Variants in ADCY1 observed in about 807,000 individuals in gnomAD.
ADCY1 encodes adenylate cyclase type 1.
Under a neutral mutation model 105.4 loss-of-function variants are expected in ADCY1, and 28 were observed. That is an observed-to-expected ratio of 0.27 (90% CI 0.20 to 0.36). The LOEUF is 0.36. Ranked by LOEUF, ADCY1 falls within the 10% of genes least tolerant of loss-of-function variation. The pLI is 1.00. For synonymous variants in ADCY1, 655 were observed against 623.8 expected, an observed-to-expected ratio of 1.05 and a Z score of -0.75; for missense variants, 977 against 1,434.2, an observed-to-expected ratio of 0.68 and a Z score of 5.15.
At chr7:45,685,198 C>T (rs1340767106) in intron 12 of ADCY1, 130 bp downstream of exon 12, 2 of 789,180 alleles carry the variant, frequency 2.5e-6, no homozygotes, top group Non-Finnish European at 4.3e-6. Context: ...AGGCATGGGG[C>T]CCCAAGGAGC....
chr7:45,650,640 G>A (rs1248161347), intron 5 of ADCY1, among the ~76,000 whole-genome samples: 1 of 152,196 alleles, frequency 6.6e-6, no homozygotes, highest in African/African-American at 2.4e-5. Context: ...GTCCTCCTGA[G>A]AGGGGTCTGC....
In ADCY1 at chr7:45,660,706, G is replaced by T. The variant is rs192921112; in HGVS notation, c.1449+523G>T. ...ACTCAGGTGAGGGGTTCAGGCTCAAGTGAGGTGTTCAGGGGACAGGTGAGG... is the reference window on the plus strand; with the variant it reads ...ACTCAGGTGAGGGGTTCAGGCTCAATTGAGGTGTTCAGGGGACAGGTGAGG... On this transcript the variant is annotated intron_variant, in intron 7 of 19. Coordinates refer to ENST00000297323, the MANE Select transcript of ADCY1 (RefSeq NM_021116.4). Among the ~76,000 whole-genome samples the T allele has an allele frequency of 3.3e-5, 5 of 151,554 alleles. No individual in the cohort carries two copies. In the East Asian group the frequency reaches 9.8e-4, roughly 30 times the overall value.
chr7:45,688,842 AATAT>A (rs1451186250), intron 14 of ADCY1, among the ~76,000 whole-genome samples: 1 of 151,892 alleles, frequency 6.6e-6, no homozygotes, highest in Non-Finnish European at 1.5e-5. Flanking sequence ...TCAATATTAG[AATAT>A]TTTTATCTCC....
intron 4 of ADCY1, among the ~76,000 whole-genome samples, chr7:45,626,033 G>A (rs1348135694): frequency 6.6e-6 from 1 of 152,216 alleles, no homozygotes; most frequent in Non-Finnish European, 1.5e-5. Flanking sequence ...AGGCTTGGTG[G>A]CTCTGGACCT....
Position 45,720,661 on chromosome 7 carries a change from A to T in ADCY1, c.*6666A>T, listed in dbSNP as rs764053110. Reference sequence around the variant, plus strand: ...TTGTGAAATTAGTGAGTTTCCTTCTACCCGTCACCAGATTCAATATGTTCT... The same window carrying T: ...TTGTGAAATTAGTGAGTTTCCTTCTTCCCGTCACCAGATTCAATATGTTCT... On this transcript the variant is annotated 3_prime_UTR_variant, in exon 20 of 20. Transcript: ENST00000297323. 1.3e-5 allele frequency: 2 copies of T among 152,128 alleles called. No individual in the cohort carries two copies. Among genetic ancestry groups the T allele is most frequent in the Non-Finnish European group, 2.9e-5 (2 of 68,044 alleles). 9.4% of individuals were successfully genotyped at this position (152,128 alleles called of 1,614,324 possible). A position where few individuals can be genotyped will look rare whatever the true frequency, so the allele number is the denominator to read the frequency against.
intron 11 of ADCY1, chr7:45,684,710 A>G (rs1052237803): frequency 7.5e-5 from 23 of 307,822 alleles, no homozygotes; most frequent in African/African-American, 3.4e-4. Context: ...TTCAGTGCCA[A>G]TCAAAGTTAC....
At position 45,708,993 on chromosome 7, in the gene ADCY1, C is replaced by G. The variant is rs1317709664; in HGVS notation, c.2932+529C>G. Among the ~76,000 whole-genome samples the G allele has an allele frequency of 6.6e-6, 1 of 151,942 alleles. No individual in the cohort carries two copies. The highest frequency in any genetic ancestry group is 6.6e-5 in the Admixed American group (1 of 15,256). ...GTTTTTTTTTTTAATCATAAATTCA[C>G]TTTTTCTTGAGATGTAGACAGTTTA... On this transcript the variant is annotated intron_variant, in intron 18 of 19. Transcript: ENST00000297323. The surrounding 1 kb of genome is among the most constrained non-coding windows in gnomAD (Gnocchi z 4.7).
intron 17 of ADCY1, among the ~76,000 whole-genome samples, chr7:45,706,475 C>A (rs1785120430): frequency 2.5e-5 from 2 of 79,498 alleles, no homozygotes; most frequent in Non-Finnish European, 2.2e-5. Flanking sequence ...AGTGCTGAAA[C>A]AACTGGACAT....
intron 14 of ADCY1, among the ~76,000 whole-genome samples, chr7:45,690,654 G>T (rs980562059): frequency 3.9e-5 from 6 of 152,146 alleles, no homozygotes; most frequent in African/African-American, 1.4e-4. Flanking sequence ...CTGGAAGGGA[G>T]ATCTGGCCAG....
At position 45,610,382 on chromosome 7, in the gene ADCY1, C is replaced by T; in HGVS notation, c.793C>T (p.Arg265Trp). ...RLEDENEKQERLLMSLLPRNV... is the reference protein window; with the variant it reads ...RLEDENEKQEWLLMSLLPRNV... The stretch of plus-strand genomic sequence containing the variant: ...CGGGCCCTTCTCTTCTGTCCAGGAG[C>T]GGCTCCTCATGAGCCTCCTGCCCCG... The change falls in exon 3 of 20, where the codon CGG becomes TGG. Residue 265 changes from arginine (R) to tryptophan (W), a missense_variant. Arg to Trp is a moderately radical substitution (Grantham distance 101). Around this residue, in one of 7 missense-constraint regions of ADCY1, gnomAD observed 196 missense variants for 347.8 expected, o/e 0.56. Coordinates refer to ENST00000297323, the MANE Select transcript of ADCY1 (RefSeq NM_021116.4). The T allele has an allele frequency of 6.2e-7, 1 of 1,613,184 alleles. No individual in the cohort carries two copies. The highest frequency in any genetic ancestry group is 8.5e-7 in the Non-Finnish European group (1 of 1,179,522).
At chr7:45,625,431 G>A (rs1422436471) in intron 4 of ADCY1, among the ~76,000 whole-genome samples, 1 of 152,220 alleles carries the variant, frequency 6.6e-6, no homozygotes, top group Non-Finnish European at 1.5e-5. Context: ...GTATTGAGAT[G>A]TGTGTGCCTG....
rs1785458871 is a variant in ADCY1, at chr7:45,720,816, T to C, written c.*6821T>C. ...CATCACTAGTATCTAAGTCGGGCTTTACAGTAACTATGCACCTTCTGTGTG... is the reference window on the plus strand; with the variant it reads ...CATCACTAGTATCTAAGTCGGGCTTCACAGTAACTATGCACCTTCTGTGTG... On this transcript the variant is annotated 3_prime_UTR_variant, in exon 20 of 20. Coordinates refer to ENST00000297323, the MANE Select transcript of ADCY1 (RefSeq NM_021116.4). The C allele has an allele frequency of 6.6e-6, 1 of 152,226 alleles. No individual in the cohort carries two copies. The highest frequency in any genetic ancestry group is 1.5e-5 in the Non-Finnish European group (1 of 68,054). 9.4% of individuals were successfully genotyped at this position (152,226 alleles called of 1,614,324 possible).
chr7:45,613,816 T>C (rs1441505413), intron 3 of ADCY1, among the ~76,000 whole-genome samples: 2 of 152,144 alleles, frequency 1.3e-5, no homozygotes, highest in African/African-American at 4.8e-5. Context: ...CGTAGGATAA[T>C]GGATTTTCCA....
Position 45,620,425 on chromosome 7 carries a change from CA to C in ADCY1, c.909-2206del, listed in dbSNP as rs138610374. The stretch of plus-strand genomic sequence containing the variant: ...AGGATGAAGAAAATGAAGAGAGTGT[CA>C]GGGACTTAAGGGACACCATCAAACT... On this transcript the variant is annotated intron_variant, in intron 3 of 19. Transcript: ENST00000297323. 2.3e-3 allele frequency among the ~76,000 whole-genome samples: 343 copies of C among 152,122 alleles called. 2 individuals are homozygous for C. The highest frequency in any genetic ancestry group is 3.9e-3 in the Admixed American group (60 of 15,274).
rs766657263 is a variant in ADCY1 at position 45,686,497 on chromosome 7, GC to G, written c.2328-47del. ...TTCTTGGGTTTGGTGGCAGAGTCTT[GC>G]CCTGGAAGCTCGGCACTGACTTGGC... On this transcript the variant is annotated intron_variant, in intron 13 of 19. Coordinates refer to ENST00000297323, the MANE Select transcript of ADCY1 (RefSeq NM_021116.4). The surrounding 1 kb of genome is among the most constrained non-coding windows in gnomAD (Gnocchi z 4.3). 24 of 1,573,026 alleles carry G rather than the reference GC, an allele frequency of 1.5e-5. No homozygotes were observed. In the South Asian group the frequency reaches 2.6e-4, roughly 17 times the overall value.
chr7:45,604,106 T>C (rs1793315704), intron 2 of ADCY1, among the ~76,000 whole-genome samples: 1 of 152,224 alleles, frequency 6.6e-6, no homozygotes, highest in African/African-American at 2.4e-5. Flanking sequence ...GGAAGTTGCC[T>C]ATTTAGGTTA....
chr7:45,709,367 CAG>C (rs745383803), intron 18 of ADCY1, among the ~76,000 whole-genome samples: 31 of 152,322 alleles, frequency 2.0e-4, no homozygotes, highest in Admixed American at 1.6e-3. Context: ...CCCTGTGTCT[CAG>C]TGTCTGGTCA....
chr7:45,674,620 A>G (rs1215454112), intron 8 of ADCY1, among the ~76,000 whole-genome samples: 1 of 152,048 alleles, frequency 6.6e-6, no homozygotes, highest in Admixed American at 6.5e-5. Context: ...GATCCACCCC[A>G]CTTGGCCTCC....
chr7:45,623,752 G>A (rs1328861388), intron 4 of ADCY1, among the ~76,000 whole-genome samples: 1 of 152,154 alleles, frequency 6.6e-6, no homozygotes, highest in Non-Finnish European at 1.5e-5. Context: ...AGGAAGGGTC[G>A]GCTTCTGCAG....
Sources: gnomAD v4.1 joint callset for allele counts (sites outside exome capture counted in the v4.1 genomes callset) on GRCh38, gnomAD v4.1.1 for gene constraint, gnomAD v4.1.1 regional missense constraint, Gnocchi (gnomAD v3.1) non-coding constraint, MANE v1.5 for transcripts, NCBI Gene and HGNC (gene_info 2026-07-23, HGNC 2026-07-21) for gene names.